The following MGST1 variants were observed in gnomAD, a reference collection of about 807,000 sequenced individuals.
MGST1 encodes the protein glutathione S-transferase 12.
In MGST1, 5 loss-of-function variants were observed where a neutral mutation model predicts 8.9. The ratio of observed to expected loss-of-function variants is 0.56; its 90% CI spans 0.29 to 1.19. The LOEUF (loss-of-function observed/expected upper bound fraction) is 1.19. Ranked by LOEUF, MGST1 falls within the 50% of genes most tolerant of loss-of-function variation. The probability of loss-of-function intolerance (pLI) is 0.08; values close to 1 mark genes in which losing one functional copy is unlikely to be tolerated. For synonymous variants in MGST1, 54 were observed against 67.8 expected (o/e 0.80, Z 1.00); for missense variants, 182 against 187.4 (o/e 0.97, Z 0.17).
At chr12:16,575,567 A>C (rs1942967570) in intron 4 of MGST1, among the ~76,000 whole-genome samples, 1 of 152,170 alleles carries the variant, frequency 6.6e-6, no homozygotes, top group African/African-American at 2.4e-5. Context: ...AATCCTCAGG[A>C]CAACTGAATG....
At chr12:16,501,055 G>A (rs1320639664) in intron 4 of MGST1, among the ~76,000 whole-genome samples, 4 of 147,138 alleles carry the variant, frequency 2.7e-5, no homozygotes, top group Non-Finnish European at 5.9e-5. Flanking sequence ...GCAGTGAGCC[G>A]AGATGGTGGC....
At chr12:16,396,866 G>C (rs1377479525) in intron 1 of MGST1, among the ~76,000 whole-genome samples, 2 of 151,960 alleles carry the variant, frequency 1.3e-5, no homozygotes, top group Admixed American at 1.3e-4. Flanking sequence ...ACTGCCAAAA[G>C]CAGTCTACAA....
At chr12:16,420,458 A>G (rs144513519) in intron 1 of MGST1, among the ~76,000 whole-genome samples, 1 of 152,320 alleles carries the variant, frequency 6.6e-6, no homozygotes, top group African/African-American at 2.4e-5. Flanking sequence ...AAACTATCCT[A>G]AGTCAGGTTT....
intron 4 of MGST1, among the ~76,000 whole-genome samples, chr12:16,557,549 A>C (rs951753724): frequency 2.6e-5 from 4 of 152,048 alleles, no homozygotes; most frequent in African/African-American, 9.7e-5. Context: ...TGCTCTGTGA[A>C]TTTAACCAGA....
intron 4 of MGST1, among the ~76,000 whole-genome samples, chr12:16,493,474 A>C (rs1215521351): frequency 6.6e-6 from 1 of 152,180 alleles, no homozygotes; most frequent in Non-Finnish European, 1.5e-5. Flanking sequence ...CTCTCCAAGT[A>C]ATTCTGATGC....
At chr12:16,536,327 T>C (rs1194037769) in intron 4 of MGST1, among the ~76,000 whole-genome samples, 1 of 152,176 alleles carries the variant, frequency 6.6e-6, no homozygotes, top group South Asian at 2.1e-4. Flanking sequence ...TGGTTCACTG[T>C]GTATGAAAAA....
Position 16,497,347 on chromosome 12 carries a change from G to A in MGST1, n.483-92181G>A, listed in dbSNP as rs1941477625. On this transcript the variant is annotated intron_variant and non_coding_transcript_variant, in intron 4 of 4. Transcript: ENST00000538857. The surrounding 1 kb of genome is among the most constrained non-coding windows in gnomAD (Gnocchi z 4.4). ...ATGGAAATGAGGTAGTGTTAATCAA[G>A]CAAAAACAAGCTAGGGAAGCAACAG... Among the ~76,000 whole-genome samples the A allele has an allele frequency of 1.3e-5, 2 of 152,040 alleles. No homozygotes were observed. The highest frequency in any genetic ancestry group is 4.1e-4 in the South Asian group (2 of 4,826).
At chr12:16,436,852 C>T (rs1444352921) in intron 1 of MGST1, among the ~76,000 whole-genome samples, 1 of 151,958 alleles carries the variant, frequency 6.6e-6, no homozygotes, top group African/African-American at 2.4e-5. Flanking sequence ...CATCTATGCT[C>T]TTAACCAGTC....
chr12:16,450,128 A>G (rs916189611), intron 4 of MGST1, among the ~76,000 whole-genome samples: 1 of 152,004 alleles, frequency 6.6e-6, no homozygotes, highest in Non-Finnish European at 1.5e-5. Context: ...AGAGGTTTAC[A>G]TGTACTCAGC....
At chr12:16,496,462 A>AT (rs1941470593) in intron 4 of MGST1, among the ~76,000 whole-genome samples, 1 of 152,140 alleles carries the variant, frequency 6.6e-6, no homozygotes, top group South Asian at 2.1e-4. Context: ...AGCAACACAC[A>AT]TTTTAAGTTT....
At chr12:16,373,356 A>G (rs1940328000) in intron 3 of MGST1, among the ~76,000 whole-genome samples, 1 of 151,922 alleles carries the variant, frequency 6.6e-6, no homozygotes, top group Non-Finnish European at 1.5e-5. Flanking sequence ...TAAGGTGACT[A>G]TAGTTAATAA....
intron 1 of MGST1, among the ~76,000 whole-genome samples, chr12:16,425,420 T>C (rs796791363): frequency 5.0e-4 from 76 of 152,176 alleles, no homozygotes; most frequent in African/African-American, 1.8e-3. Context: ...AGTAGTGAGA[T>C]TACAGATGTG....
chr12:16,351,461 C>T (rs980203603), intron 1 of MGST1, among the ~76,000 whole-genome samples: 6 of 152,002 alleles, frequency 3.9e-5, no homozygotes, highest in East Asian at 3.9e-4. Flanking sequence ...AAAAACCTTG[C>T]GCATGTAGTT....
chr12:16,398,677 T>G (rs1940626712), intron 1 of MGST1, among the ~76,000 whole-genome samples: 2 of 152,256 alleles, frequency 1.3e-5, no homozygotes, highest in South Asian at 4.1e-4. Context: ...AGGCAGCAGA[T>G]ATACCTCAGA....
chr12:16,562,212 A>C (rs1027548340), intron 4 of MGST1, among the ~76,000 whole-genome samples: 2 of 152,158 alleles, frequency 1.3e-5, no homozygotes, highest in African/African-American at 2.4e-5. Flanking sequence ...CTAACATTTC[A>C]TATTTATTTT....
At chr12:16,386,552 CA>C (rs1565444867) in intron 1 of MGST1, among the ~76,000 whole-genome samples, 1 of 152,208 alleles carries the variant, frequency 6.6e-6, no homozygotes, top group Non-Finnish European at 1.5e-5. Flanking sequence ...GCTTCTAAAA[CA>C]ATCTGTCATG....
intron 4 of MGST1, among the ~76,000 whole-genome samples, chr12:16,511,603 G>A (rs554160393): frequency 1.3e-5 from 2 of 152,282 alleles, no homozygotes; most frequent in East Asian, 1.9e-4. Context: ...TGTTCTTTAT[G>A]CTCCCTTTAG....
intron 4 of MGST1, among the ~76,000 whole-genome samples, chr12:16,491,594 A>G (rs140544617): frequency 7.3e-6 from 1 of 137,312 alleles, no homozygotes; most frequent in African/African-American, 2.5e-5. Context: ...TGTTAGCTTG[A>G]AAAGGCACCG....
intron 4 of MGST1, among the ~76,000 whole-genome samples, chr12:16,563,273 A>G (rs79095450): frequency 0.034 from 5,180 of 152,222 alleles, 303 homozygotes; most frequent in African/African-American, 0.12. Context: ...TTGTCCAAGG[A>G]TCAAGAGATC....
Sources: gnomAD v4.1 joint callset for allele counts (sites outside exome capture counted in the v4.1 genomes callset) on GRCh38, gnomAD v4.1.1 for gene constraint, Gnocchi (gnomAD v3.1) non-coding constraint, MANE v1.5 for transcripts, NCBI Gene and HGNC (gene_info 2026-07-23, HGNC 2026-07-21) for gene names.